MMP26: variants seen among roughly 807,000 people sequenced by gnomAD.
MMP26 encodes the protein matrix metalloproteinase-26.
Under a neutral mutation model 31.0 loss-of-function variants are expected in MMP26, and 33 were observed. The observed-to-expected ratio is 1.06, with a 90% confidence interval of 0.81 to 1.42. The LOEUF is 1.42. MMP26 is among the 40% of genes most tolerant of loss of function. MMP26 has a pLI of 0.00. For missense variants in MMP26, 347 were observed against 316.1 expected, an observed-to-expected ratio of 1.10 and a Z score of -0.74; for synonymous variants, 122 against 114.9, an observed-to-expected ratio of 1.06 and a Z score of -0.40.
At chr11:4,749,172 A>G (rs548546768) in intron 1 of MMP26, among the ~76,000 whole-genome samples, 1 of 152,226 alleles carries the variant, frequency 6.6e-6, no homozygotes, top group East Asian at 1.9e-4. Context: ...GAACCAAATT[A>G]AGAACTCAAC....
intron 1 of MMP26, among the ~76,000 whole-genome samples, chr11:4,716,230 A>G (rs1313087069): frequency 6.6e-6 from 1 of 152,216 alleles, no homozygotes; most frequent in Non-Finnish European, 1.5e-5. Flanking sequence ...TTTAATTTCA[A>G]CCGTGCGAGA....
intron 1 of MMP26, among the ~76,000 whole-genome samples, chr11:4,765,626 G>T (rs1225099325): frequency 6.6e-6 from 1 of 152,152 alleles, no homozygotes; most frequent in African/African-American, 2.4e-5. Flanking sequence ...CTGCAACCTG[G>T]CTTCTATTAT....
At chr11:4,896,979 CTT>C (rs1377254466) in intron 2 of MMP26, among the ~76,000 whole-genome samples, 1 of 152,040 alleles carries the variant, frequency 6.6e-6, no homozygotes, top group African/African-American at 2.4e-5. Flanking sequence ...GTATGTCTTA[CTT>C]TAAAGTCCAT....
At chr11:4,939,033 G>A (rs962758014) in intron 2 of MMP26, among the ~76,000 whole-genome samples, 2 of 152,048 alleles carry the variant, frequency 1.3e-5, no homozygotes, top group Non-Finnish European at 2.9e-5. Flanking sequence ...TCCTTGAATT[G>A]AGTTGATATA....
intron 2 of MMP26, chr11:4,849,207 A>T: frequency 6.3e-7 from 1 of 1,598,828 alleles, no homozygotes. Context: ...TAATGTTGAC[A>T]TAGTTCAGGA....
chr11:4,837,704 T>C (rs1007477885), intron 2 of MMP26, among the ~76,000 whole-genome samples: 1 of 152,078 alleles, frequency 6.6e-6, no homozygotes, highest in Non-Finnish European at 1.5e-5. Context: ...GTAATTAAAG[T>C]AATAAAAACC....
intron 2 of MMP26, among the ~76,000 whole-genome samples, chr11:4,800,113 A>G (rs1455599413): frequency 6.6e-6 from 1 of 152,192 alleles, no homozygotes; most frequent in Non-Finnish European, 1.5e-5. Flanking sequence ...TCCACTAGTC[A>G]GTGGCCCAGT....
At chr11:4,909,086 C>A (rs182437460) in intron 2 of MMP26, 34 of 152,096 alleles carry the variant, frequency 2.2e-4, no homozygotes, top group African/African-American at 7.7e-4. Context: ...TAATTTTAAA[C>A]CCCCTATGGT....
At chr11:4,783,300 G>A (rs1246979788) in intron 2 of MMP26, among the ~76,000 whole-genome samples, 2 of 152,228 alleles carry the variant, frequency 1.3e-5, no homozygotes, top group Non-Finnish European at 2.9e-5. Flanking sequence ...GAGACATAGA[G>A]TCAAAGGAGA....
chr11:4,744,743 TA>T (rs900873810), intron 1 of MMP26, among the ~76,000 whole-genome samples: 2 of 152,194 alleles, frequency 1.3e-5, no homozygotes, highest in African/African-American at 4.8e-5. Flanking sequence ...TTTTCTTCTT[TA>T]AAAAAATTTT....
chr11:4,783,392 T>G (rs181505897), intron 2 of MMP26, among the ~76,000 whole-genome samples: 14 of 152,336 alleles, frequency 9.2e-5, no homozygotes, highest in African/African-American at 3.1e-4. Context: ...TTTGGCCAAT[T>G]TCTCCCATTT....
intron 2 of MMP26, among the ~76,000 whole-genome samples, chr11:4,903,270 A>T (rs192974818): frequency 6.6e-6 from 1 of 152,100 alleles, no homozygotes; most frequent in African/African-American, 2.4e-5. Context: ...ACAGAGTACG[A>T]CAGGCTATGT....
rs542677059 is a variant in MMP26, at chr11:4,797,556, A to G, written c.-145+30215A>G. Among the ~76,000 whole-genome samples, 4 of 152,228 alleles carry G rather than the reference A, an allele frequency of 2.6e-5. No homozygotes were observed. The South Asian group carries it at 8.3e-4, about 32-fold the overall frequency. On this transcript the variant is annotated intron_variant, in intron 2 of 7. Transcript: ENST00000380390. ...TTTAAACATCCACTGAGCCCTTTCT[A>G]TTCAGTCAGGAAACCAATTAAAGTG...
chr11:4,709,144 G>A (rs545431668), intron 1 of MMP26, among the ~76,000 whole-genome samples: 89 of 152,142 alleles, frequency 5.8e-4, no homozygotes, highest in African/African-American at 1.7e-3. Flanking sequence ...GGTTTTTGCC[G>A]CAGAAACTGA....
At chr11:4,717,230 T>C (rs1420808708) in intron 1 of MMP26, among the ~76,000 whole-genome samples, 1 of 152,206 alleles carries the variant, frequency 6.6e-6, no homozygotes, top group African/African-American at 2.4e-5. Flanking sequence ...TGAACTATCC[T>C]ATTATTTCCT....
chr11:4,939,729 C>T (rs1024748447), intron 2 of MMP26, among the ~76,000 whole-genome samples: 7 of 152,070 alleles, frequency 4.6e-5, no homozygotes, highest in East Asian at 1.9e-4. Flanking sequence ...TCTTCACAAC[C>T]TCTCAATGTG....
chr11:4,850,904 A>T (rs1224310093), intron 2 of MMP26, among the ~76,000 whole-genome samples: 1 of 149,676 alleles, frequency 6.7e-6, no homozygotes, highest in Non-Finnish European at 1.5e-5. Context: ...ATAAAATATT[A>T]TGTTAAATTT....
At chr11:4,915,627 C>CGCT in intron 2 of MMP26, 1 of 1,613,578 alleles carries the variant, frequency 6.2e-7, no homozygotes, top group Non-Finnish European at 8.5e-7. Context: ...GTAGCAGAAA[C>CGCT]GCTGCTGCTG....
chr11:4,752,109 G>A (rs1848453621), intron 1 of MMP26: 1 of 152,100 alleles, frequency 6.6e-6, no homozygotes, highest in Non-Finnish European at 1.5e-5. Flanking sequence ...TGTAGATGAT[G>A]GGGGATTCAT....
Sources: gnomAD v4.1 joint callset for allele counts (sites outside exome capture counted in the v4.1 genomes callset) on GRCh38, gnomAD v4.1.1 for gene constraint, MANE v1.5 for transcripts, NCBI Gene and HGNC (gene_info 2026-07-23, HGNC 2026-07-21) for gene names.